ANXA2: variants seen among roughly 807,000 people sequenced by gnomAD.
The protein encoded by ANXA2 is annexin A2.
A neutral mutation model predicts 47.3 loss-of-function variants in ANXA2; 28 were observed. That is an observed-to-expected ratio of 0.59 (90% CI 0.44 to 0.81). The LOEUF is 0.81. Among genes scored for constraint, ANXA2 ranks in the 40% least tolerant of loss-of-function variants. The pLI is 0.00. For synonymous variants in ANXA2, 172 were observed against 155.5 expected (o/e 1.11, Z -0.79); for missense variants, 384 against 414.3 (o/e 0.93, Z 0.64).
rs150122650 is a variant in ANXA2, at chr15:60,369,868, G to A, written c.149-5345C>T. ...AGGATCGACTACAATTTTAGGAAAA[G>A]AAGTGCTTACTTTTGTCCAAACAAC... On this transcript the variant is annotated intron_variant, in intron 3 of 12. Transcript: ENST00000451270. Among the ~76,000 whole-genome samples the A allele has an allele frequency of 6.7e-3, 1,014 of 152,328 alleles. 2 individuals carry two copies. Among genetic ancestry groups the A allele is most frequent in the Non-Finnish European group, 9.5e-3 (648 of 68,030 alleles).
chr15:60,370,771 C>A (rs1004087383), intron 3 of ANXA2, among the ~76,000 whole-genome samples: 1 of 152,186 alleles, frequency 6.6e-6, no homozygotes, highest in Non-Finnish European at 1.5e-5. Flanking sequence ...TCTGACCTCT[C>A]GTGTTCCAGT....
At chr15:60,397,070 C>T (rs2063089692) in intron 1 of ANXA2, among the ~76,000 whole-genome samples, 1 of 152,202 alleles carries the variant, frequency 6.6e-6, no homozygotes, top group South Asian at 2.1e-4. Context: ...GTGTTCCCCT[C>T]CTTCTTCTCA....
At chr15:60,377,896 T>C (rs1300584129) in intron 3 of ANXA2, among the ~76,000 whole-genome samples, 1 of 152,076 alleles carries the variant, frequency 6.6e-6, no homozygotes, top group African/African-American at 2.4e-5. Flanking sequence ...GAGACGAGCC[T>C]GGCCAACATG....
intron 3 of ANXA2, among the ~76,000 whole-genome samples, chr15:60,381,715 C>CA (rs890948841): frequency 2.0e-5 from 3 of 151,628 alleles, no homozygotes; most frequent in Admixed American, 6.6e-5. Context: ...TTAAAAAAAA[C>CA]AAAAAAAGTC....
intron 6 of ANXA2, 61 bp downstream of exon 6, chr15:60,357,085 G>T: frequency 6.8e-7 from 1 of 1,478,328 alleles, no homozygotes; most frequent in Non-Finnish European, 9.4e-7. Context: ...AACCCCAGTG[G>T]CCATGATAGA....
At chr15:60,373,063 T>C (rs1041849717) in intron 3 of ANXA2, among the ~76,000 whole-genome samples, 1 of 152,174 alleles carries the variant, frequency 6.6e-6, no homozygotes, top group Non-Finnish European at 1.5e-5. Flanking sequence ...GTTTAGTATA[T>C]GTTTATCCTA....
chr15:60,354,197 T>C lies in ANXA2; in HGVS notation c.545A>G (p.Asp182Gly), dbSNP rs780196705. The C allele has an allele frequency of 3.1e-6, 5 of 1,613,548 alleles. No individual in the cohort carries two copies. The highest frequency in any genetic ancestry group is 2.2e-5 in the East Asian group (1 of 44,888). Residue 182 changes from aspartate (D) to glycine (G), a missense_variant, in exon 8 of 13, where the codon GAT becomes GGT. Physicochemically the swap from Asp to Gly is moderately conservative, Grantham distance 94 (BLOSUM62 -1). Transcript: ENST00000451270. ...CAGTTCATAATCAATGACAGAGCCA[T>C]CCTCTGCTCTTCTACCCTATGGGGG... ...VALAKGRRAE[D>G]GSVIDYELID...
rs2062863009 is a variant in ANXA2, at chr15:60,381,758, C to T, written c.148+584G>A. Among the ~76,000 whole-genome samples the T allele has an allele frequency of 2.0e-5, 3 of 151,958 alleles. No individual in the cohort carries two copies. In the South Asian group the frequency reaches 6.2e-4, roughly 32 times the overall value. The stretch of plus-strand genomic sequence containing the variant: ...TTCACTCTCTAGATCAATCTAAGAG[C>T]AATGCAGTAAGATTTTCCCAGCAAA... On this transcript the variant is annotated intron_variant, in intron 3 of 12. Coordinates refer to ENST00000451270, the MANE Select transcript of ANXA2 (RefSeq NM_004039.3).
Position 60,386,216 on chromosome 15 carries a change from C to A in ANXA2, c.-11-130G>T, listed in dbSNP as rs928351539. The stretch of plus-strand genomic sequence containing the variant: ...ACGATATTGGAGTAGTTTTTGCAAA[C>A]AGATGCAATTCCCATCTTACGACTG... On this transcript the variant is annotated intron_variant, in intron 1 of 12. Transcript: ENST00000451270. 9 of 659,004 alleles carry A rather than the reference C, an allele frequency of 1.4e-5. No individual in the cohort carries two copies. The Admixed American group carries it at 1.8e-4, about 13-fold the overall frequency. 40.8% of individuals were successfully genotyped at this position (659,004 alleles called of 1,614,324 possible). A position where few individuals can be genotyped will look rare whatever the true frequency, so the allele number is the denominator to read the frequency against.
At position 60,382,360 on chromosome 15, in the gene ANXA2, T is replaced by C; in HGVS notation, c.130A>G (p.Thr44Ala). Residue 44 changes from threonine (T) to alanine (A), a missense_variant, in exon 3 of 13, where the codon ACA becomes GCA. Physicochemically the swap from Thr to Ala is moderately conservative, Grantham distance 58. Transcript: ENST00000451270. ...DAERDALNIETAIKTKGVDEV... is the reference protein window; with the variant it reads ...DAERDALNIEAAIKTKGVDEV... ...CACCTACCTTTGGTCTTGATGGCTG[T>C]TTCAATGTTCAAAGCATCCCGCTCA... The C allele has an allele frequency of 2.5e-6, 4 of 1,613,780 alleles. No homozygotes were observed. The highest frequency in any genetic ancestry group is 2.5e-6 in the Non-Finnish European group (3 of 1,179,734).
chr15:60,351,707 G>C lies in ANXA2; in HGVS notation c.778+17C>G, dbSNP rs1441014876. On this transcript the variant is annotated intron_variant, in intron 10 of 12. Transcript: ENST00000451270. ...GGTAGCTGATGTCTACCAGGAATGG[G>C]GGCCACATTCACTTACCCAGGTTCA... 6.5e-7 allele frequency: 1 copy of C among 1,541,384 alleles called. No individual in the cohort carries two copies. Among genetic ancestry groups the C allele is most frequent in the Admixed American group, 1.7e-5 (1 of 59,852 alleles).
At chr15:60,392,997 TC>T in intron 1 of ANXA2, 4 of 1,263,720 alleles carry the variant, frequency 3.2e-6, no homozygotes, top group Non-Finnish European at 4.1e-6. Context: ...CCCACTGTAC[TC>T]CATCCTCCAC....
At chr15:60,355,887 G>C in intron 7 of ANXA2, 32 bp downstream of exon 7, 1 of 1,570,272 alleles carries the variant, frequency 6.4e-7, no homozygotes, top group Non-Finnish European at 8.8e-7. Context: ...TTGGGAGGAA[G>C]CAAGGGCAAA....
rs1285275349 is a variant in ANXA2, at chr15:60,357,291, T to C, written c.358-55A>G. On this transcript the variant is annotated intron_variant, in intron 5 of 12. Coordinates refer to ENST00000451270, the MANE Select transcript of ANXA2 (RefSeq NM_004039.3). ...GGGAAATGCTTCCCCACCATTAGCC[T>C]ACTTCTCTGATCTCCATCAAGTAAA... 5 of 1,428,628 alleles carry C rather than the reference T, an allele frequency of 3.5e-6. No homozygotes were observed. The African/African-American group carries it at 7.0e-5, about 20-fold the overall frequency. 88.5% of individuals were successfully genotyped at this position (1,428,628 alleles called of 1,614,324 possible).
chr15:60,353,396 C>A (rs768714471), intron 8 of ANXA2, among the ~76,000 whole-genome samples: 6 of 152,326 alleles, frequency 3.9e-5, no homozygotes, highest in South Asian at 2.1e-4. Flanking sequence ...GTGTCTCCTC[C>A]ACCTTCTTCT....
chr15:60,379,399 A>G (rs1033073062), intron 3 of ANXA2, among the ~76,000 whole-genome samples: 5 of 152,228 alleles, frequency 3.3e-5, no homozygotes, highest in Admixed American at 3.3e-4. Context: ...CAAATATGAG[A>G]CTTAACAGAA....
chr15:60,392,229 C>CA (rs2063022373), intron 1 of ANXA2, among the ~76,000 whole-genome samples: 1 of 152,112 alleles, frequency 6.6e-6, no homozygotes, highest in African/African-American at 2.4e-5. Context: ...TAAAAAAGCT[C>CA]ACAGTGCAAG....
Position 60,347,503 on chromosome 15 carries a change from G to T in ANXA2, c.*127C>A. The T allele has an allele frequency of 2.4e-6, 2 of 822,632 alleles. No homozygotes were observed. Among genetic ancestry groups the T allele is most frequent in the Non-Finnish European group, 4.0e-6 (2 of 499,642 alleles). The allele number at this position is 822,632 out of a possible 1,614,324, so 51.0% of individuals were successfully genotyped here. On this transcript the variant is annotated 3_prime_UTR_variant, in exon 13 of 13. Coordinates refer to ENST00000451270, the MANE Select transcript of ANXA2 (RefSeq NM_004039.3). ...ATGCTTAGGCAACTAAAATGAGGTT[G>T]GGGGTAATGCTAACGTCACCCTCAC...
At chr15:60,374,437 C>G in intron 3 of ANXA2, 1 of 455,582 alleles carries the variant, frequency 2.2e-6, no homozygotes. Context: ...ACCAACGCAG[C>G]CACCCTTAAC....
Sources: allele counts gnomAD v4.1 joint callset (sites outside exome capture counted in the v4.1 genomes callset), GRCh38; gene constraint gnomAD v4.1.1; transcripts MANE v1.5; gene names NCBI Gene and HGNC (gene_info 2026-07-23, HGNC 2026-07-21).